Variants in CCDC85A observed in about 807,000 individuals in gnomAD.
CCDC85A encodes the protein coiled-coil domain containing 85A, also known as coiled-coil domain-containing protein 85A.
A neutral mutation model predicts 50.2 loss-of-function variants in CCDC85A; 38 were observed. That is an observed-to-expected ratio of 0.76 (90% CI 0.58 to 0.99). The LOEUF is 0.99. Among genes scored for constraint, CCDC85A ranks in the 50% least tolerant of loss-of-function variants. The probability of loss-of-function intolerance (pLI) is 0.00; values close to 1 mark genes in which losing one functional copy is unlikely to be tolerated. For missense variants in CCDC85A, 820 were observed against 742.0 expected (o/e 1.11, Z -1.22); for synonymous variants, 366 against 301.4 (o/e 1.21, Z -2.22).
At position 56,184,051 on chromosome 2, in the gene CCDC85A, G is replaced by T; in HGVS notation, c.-574G>T. ...GAGCAGCCTAGGAGCGGCCGCGGGCGCAGCGAAGGCGGCAGGAGGAGCGCA... is the reference window on the plus strand; with the variant it reads ...GAGCAGCCTAGGAGCGGCCGCGGGCTCAGCGAAGGCGGCAGGAGGAGCGCA... On this transcript the variant is annotated 5_prime_UTR_variant, in exon 1 of 6. Coordinates refer to ENST00000407595, the MANE Select transcript of CCDC85A (RefSeq NM_001080433.2). The T allele has an allele frequency of 8.1e-6, 8 of 984,834 alleles. No individual in the cohort carries two copies. Among genetic ancestry groups the T allele is most frequent in the South Asian group, 4.7e-5 (1 of 21,276 alleles). 61.0% of individuals were successfully genotyped at this position (984,834 alleles called of 1,614,324 possible).
intron 2 of CCDC85A, among the ~76,000 whole-genome samples, chr2:56,223,274 C>A (rs898797780): frequency 6.6e-6 from 1 of 152,094 alleles, no homozygotes; most frequent in African/African-American, 2.4e-5. Flanking sequence ...CTGTAAAGGG[C>A]CGGATAGTTA....
rs367994490 is a variant in CCDC85A at position 56,340,680 on chromosome 2, A to G, written c.1241-2199A>G. Among the ~76,000 whole-genome samples, 160 of 152,144 alleles carry G rather than the reference A, an allele frequency of 1.1e-3. 1 individual carries two copies. Among genetic ancestry groups the G allele is most frequent in the African/African-American group, 3.3e-3 (137 of 41,490 alleles). On this transcript the variant is annotated intron_variant, in intron 2 of 5. Transcript: ENST00000407595. ...CTTTTGAGGTCGGGAGTTCGAGACC[A>G]GCCTGACCAACATGGAGAAACCCTG...
At chr2:56,250,079 C>T (rs1669687934) in intron 2 of CCDC85A, among the ~76,000 whole-genome samples, 2 of 152,076 alleles carry the variant, frequency 1.3e-5, no homozygotes, top group African/African-American at 4.8e-5. Flanking sequence ...AGGTTTTGCT[C>T]CTCTAAAACG....
chr2:56,184,825 G>C lies in CCDC85A; in HGVS notation c.201G>C (p.Met67Ile). Residue 67 changes from methionine (M) to isoleucine (I), a missense_variant, in exon 1 of 6, where the codon ATG (methionine) becomes ATC (isoleucine). Transcript: ENST00000407595. ...RRAEAEKVSAMLDHSNLIREV... is the reference protein window; with the variant it reads ...RRAEAEKVSAILDHSNLIREV... ...CCGAGGCGGAGAAGGTGAGCGCGAT[G>C]CTGGACCACAGCAACCTCATCCGCG... The C allele has an allele frequency of 6.5e-7, 1 of 1,544,682 alleles. No individual in the cohort carries two copies.
At chr2:56,319,926 A>T (rs950708978) in intron 2 of CCDC85A, among the ~76,000 whole-genome samples, 7 of 152,174 alleles carry the variant, frequency 4.6e-5, no homozygotes, top group Non-Finnish European at 7.4e-5. Flanking sequence ...AACAGAAATT[A>T]TAGCAAACTG....
rs186974098 is a variant in CCDC85A at position 56,230,792 on chromosome 2, C to T, written c.1240+37352C>T. ...ATCTGAGCCCCTGTGAGTGCAGGTA[C>T]GGTGTCTGTCTTTCGTCTCTTGACC... On this transcript the variant is annotated intron_variant, in intron 2 of 5. Coordinates refer to ENST00000407595, the MANE Select transcript of CCDC85A (RefSeq NM_001080433.2). 7.9e-5 allele frequency among the ~76,000 whole-genome samples: 12 copies of T among 152,306 alleles called. No individual in the cohort carries two copies. In the South Asian group the frequency reaches 1.7e-3, roughly 21 times the overall value.
In CCDC85A at chr2:56,384,664, C is replaced by G; in HGVS notation, c.*309C>G. 4.0e-6 allele frequency: 1 copy of G among 248,020 alleles called. No individual in the cohort carries two copies. Among genetic ancestry groups the G allele is most frequent in the Admixed American group, 4.8e-5 (1 of 20,808 alleles). 15.4% of individuals were successfully genotyped at this position (248,020 alleles called of 1,614,324 possible). A position where few individuals can be genotyped will look rare whatever the true frequency, so the allele number is the denominator to read the frequency against. On this transcript the variant is annotated 3_prime_UTR_variant, in exon 6 of 6. Transcript: ENST00000407595. ...TCATTAGAAATAAGTGTTTTTAACT[C>G]CCCAGATATAATATTGTAATTGGGA... is the stretch of plus-strand genomic sequence containing the variant.
intron 2 of CCDC85A, among the ~76,000 whole-genome samples, chr2:56,259,051 A>G (rs561162340): frequency 5.3e-5 from 8 of 152,296 alleles, no homozygotes; most frequent in Admixed American, 3.9e-4. Flanking sequence ...GTTGGATGTC[A>G]TATGGTTATA....
rs2103827909 is a variant in CCDC85A at position 56,193,346 on chromosome 2, A to G, written c.1146A>G (p.Gly382=). The change falls in exon 2 of 6, where the codon GGA becomes GGG. Residue 382 remains glycine, a synonymous_variant. Coordinates refer to ENST00000407595, the MANE Select transcript of CCDC85A (RefSeq NM_001080433.2). ...ACGGAGGAGGCAGTGGAGGAAGTGG[A>G]GGCAGCGGCGGAGGCAGCAGGGAGG... The part of the protein sequence containing the change: ...HKHGGGSGGS[G]GSGGGSREGT... 6.2e-7 allele frequency: 1 copy of G among 1,612,088 alleles called. No homozygotes were observed. Among genetic ancestry groups the G allele is most frequent in the East Asian group, 2.2e-5 (1 of 44,826 alleles).
chr2:56,309,168 A>G (rs996795263), intron 2 of CCDC85A, among the ~76,000 whole-genome samples: 2 of 152,214 alleles, frequency 1.3e-5, no homozygotes, highest in African/African-American at 4.8e-5. Context: ...AAGGATAGCC[A>G]TCTATAGAGT....
intron 2 of CCDC85A, among the ~76,000 whole-genome samples, chr2:56,274,710 A>T (rs1670851233): frequency 6.6e-6 from 1 of 152,202 alleles, no homozygotes; most frequent in African/African-American, 2.4e-5. Context: ...GAAGTTAGCC[A>T]TCATAATCTA....
In CCDC85A at chr2:56,358,918, G is replaced by T. The variant is rs75992859; in HGVS notation, c.1318-13426G>T. On this transcript the variant is annotated intron_variant, in intron 3 of 5. Transcript: ENST00000407595. ...TTCTGCCTCAGCCTCCCATGTAGCT[G>T]GGATTACAGGCTTCTGCCACCATGC... 2.6e-3 allele frequency among the ~76,000 whole-genome samples: 398 copies of T among 150,818 alleles called. 14 individuals are homozygous for T. In the East Asian group the frequency reaches 0.072, roughly 27 times the overall value.
intron 2 of CCDC85A, among the ~76,000 whole-genome samples, chr2:56,202,639 C>T (rs2103854792): frequency 6.6e-6 from 1 of 152,320 alleles, no homozygotes; most frequent in African/African-American, 2.4e-5. Flanking sequence ...GCAAACAAAA[C>T]TAATTAAGCC....
chr2:56,227,595 T>G (rs889845620), intron 2 of CCDC85A, among the ~76,000 whole-genome samples: 1 of 152,162 alleles, frequency 6.6e-6, no homozygotes, highest in Non-Finnish European at 1.5e-5. Context: ...CCTGTGTGTG[T>G]GGAGCAATAT....
chr2:56,271,743 T>C (rs528057248), intron 2 of CCDC85A, among the ~76,000 whole-genome samples: 1 of 152,300 alleles, frequency 6.6e-6, no homozygotes, highest in African/African-American at 2.4e-5. Flanking sequence ...TCCTCTGTTT[T>C]TGAGCAGGAG....
chr2:56,211,252 G>T (rs1361011635), intron 2 of CCDC85A, among the ~76,000 whole-genome samples: 1 of 152,096 alleles, frequency 6.6e-6, no homozygotes, highest in Admixed American at 6.6e-5. Context: ...GTAGGAAACT[G>T]AATATGATTT....
chr2:56,299,205 G>T (rs1672092537), intron 2 of CCDC85A, among the ~76,000 whole-genome samples: 1 of 152,176 alleles, frequency 6.6e-6, no homozygotes, highest in Non-Finnish European at 1.5e-5. Flanking sequence ...AGTGCACTTA[G>T]AGAATATTGC....
chr2:56,251,365 G>A (rs1558606318), intron 2 of CCDC85A, among the ~76,000 whole-genome samples: 2 of 152,216 alleles, frequency 1.3e-5, no homozygotes. Flanking sequence ...GAAAATAAGG[G>A]TTGCTGTTTG....
chr2:56,313,516 CT>C (rs533313549), intron 2 of CCDC85A, among the ~76,000 whole-genome samples: 47 of 152,240 alleles, frequency 3.1e-4, no homozygotes, highest in South Asian at 1.5e-3. Context: ...GCTTCCCTCT[CT>C]TTTTCCAGGC....
Sources: gnomAD v4.1 joint callset for allele counts (sites outside exome capture counted in the v4.1 genomes callset) on GRCh38, gnomAD v4.1.1 for gene constraint, MANE v1.5 for transcripts, NCBI Gene and HGNC (gene_info 2026-07-23, HGNC 2026-07-21) for gene names.